Variants in CSGALNACT1 observed in about 807,000 individuals in gnomAD.
CSGALNACT1 encodes the protein beta4GalNAcT-1.
CSGALNACT1 carries 52 observed loss-of-function variants against 51.0 expected under a neutral mutation model. The ratio of observed to expected loss-of-function variants is 1.02; its 90% CI spans 0.82 to 1.29. The LOEUF (loss-of-function observed/expected upper bound fraction) is 1.29. Among genes scored for constraint, CSGALNACT1 ranks in the 50% most tolerant of loss-of-function variants. CSGALNACT1 has a pLI of 0.00. For synonymous variants in CSGALNACT1, 341 were observed against 254.4 expected, an observed-to-expected ratio of 1.34 and a Z score of -3.24; for missense variants, 935 against 679.2, an observed-to-expected ratio of 1.38 and a Z score of -4.19.
intron 3 of CSGALNACT1, among the ~76,000 whole-genome samples, chr8:19,558,347 A>C (rs554017052): frequency 2.8e-4 from 43 of 152,316 alleles, no homozygotes; most frequent in African/African-American, 9.6e-4. Context: ...CCTCCAAAGT[A>C]GGAACCCTCT....
chr8:19,480,575 C>T (rs564679554), intron 4 of CSGALNACT1, among the ~76,000 whole-genome samples: 1 of 152,280 alleles, frequency 6.6e-6, no homozygotes, highest in African/African-American at 2.4e-5. Context: ...CTGCAATGAA[C>T]ATATGGGTGC....
intron 1 of CSGALNACT1, among the ~76,000 whole-genome samples, chr8:19,656,771 A>G (rs2058316535): frequency 6.6e-6 from 1 of 152,248 alleles, no homozygotes; most frequent in African/African-American, 2.4e-5. Context: ...GAACTTTTAG[A>G]AATCAAACCA....
intron 5 of CSGALNACT1, among the ~76,000 whole-genome samples, chr8:19,455,536 TCTG>T (rs2063922321): frequency 6.6e-6 from 1 of 152,254 alleles, no homozygotes; most frequent in African/African-American, 2.4e-5. Context: ...CACATTTTTT[TCTG>T]CTATGTTTGG....
intron 3 of CSGALNACT1, among the ~76,000 whole-genome samples, chr8:19,513,050 C>G (rs1289102181): frequency 1.3e-5 from 2 of 152,164 alleles, no homozygotes; most frequent in African/African-American, 2.4e-5. Flanking sequence ...AAAACCATCC[C>G]TAGCCCTTCC....
At chr8:19,414,324 T>C (rs1253700097) in intron 8 of CSGALNACT1, among the ~76,000 whole-genome samples, 1 of 150,940 alleles carries the variant, frequency 6.6e-6, no homozygotes. Flanking sequence ...AGGCTTAAGA[T>C]AGAAGTGGTA....
At chr8:19,659,098 T>C (rs1172753729) in intron 1 of CSGALNACT1, among the ~76,000 whole-genome samples, 2 of 148,438 alleles carry the variant, frequency 1.3e-5, no homozygotes, top group African/African-American at 2.4e-5. Flanking sequence ...GTCTTTACCA[T>C]GTACATTTTC....
chr8:19,590,298 T>C (rs1435470690), intron 3 of CSGALNACT1, among the ~76,000 whole-genome samples: 1 of 152,246 alleles, frequency 6.6e-6, no homozygotes, highest in East Asian at 1.9e-4. Context: ...CACTTTGAGA[T>C]ATTTTAACTT....
At chr8:19,514,203 G>C (rs1163893598) in intron 3 of CSGALNACT1, among the ~76,000 whole-genome samples, 1 of 151,968 alleles carries the variant, frequency 6.6e-6, no homozygotes, top group African/African-American at 2.4e-5. Context: ...CCACTGGGGA[G>C]TCAACAATTA....
At chr8:19,429,553 A>C (rs538020636) in intron 6 of CSGALNACT1, among the ~76,000 whole-genome samples, 27 of 152,240 alleles carry the variant, frequency 1.8e-4, no homozygotes, top group African/African-American at 6.0e-4. Flanking sequence ...AGCATACATT[A>C]GTACTTCATT....
rs539939906 is a variant in CSGALNACT1, at chr8:19,437,799, A to G, written c.953+2031T>C. ...CAACCTGGTCTCTAGCATGAAGTGA[A>G]TTGGGTAGATTGATGACTAGATGTT... On this transcript the variant is annotated intron_variant, in intron 6 of 9. Coordinates refer to ENST00000454498, the Ensembl canonical transcript of CSGALNACT1. Among the ~76,000 whole-genome samples, 5 of 152,278 alleles carry G rather than the reference A, an allele frequency of 3.3e-5. No homozygotes were observed. The South Asian group carries it at 8.3e-4, about 25-fold the overall frequency.
At chr8:19,727,327 A>ATTTGGTTTGGTTTGG (rs61695239) in intron 1 of CSGALNACT1, among the ~76,000 whole-genome samples, 43 of 150,980 alleles carry the variant, frequency 2.8e-4, no homozygotes, top group African/African-American at 1.0e-3. Context: ...GTTTTGTTTG[A>ATTTGGTTTGGTTTGG]TTTGGTTTGG....
intron 1 of CSGALNACT1, among the ~76,000 whole-genome samples, chr8:19,643,575 T>G (rs1024666037): frequency 3.3e-5 from 5 of 151,588 alleles, no homozygotes; most frequent in Admixed American, 3.3e-4. Context: ...GACACAGAGG[T>G]TGCAGTAAGC....
At chr8:19,617,518 A>G (rs2053201269) in intron 1 of CSGALNACT1, among the ~76,000 whole-genome samples, 2 of 152,208 alleles carry the variant, frequency 1.3e-5, no homozygotes, top group South Asian at 2.1e-4. Flanking sequence ...TATTACTTTC[A>G]TAAGCAGAGT....
chr8:19,464,170 T>C (rs1038516733), intron 4 of CSGALNACT1, among the ~76,000 whole-genome samples: 1 of 152,168 alleles, frequency 6.6e-6, no homozygotes, highest in African/African-American at 2.4e-5. Context: ...CCCACATTCA[T>C]TCTCAGTCTC....
At chr8:19,448,821 C>A (rs1050376987) in intron 5 of CSGALNACT1, among the ~76,000 whole-genome samples, 1 of 152,112 alleles carries the variant, frequency 6.6e-6, no homozygotes, top group Non-Finnish European at 1.5e-5. Flanking sequence ...GTGTCCCATG[C>A]AAATGAAATG....
At chr8:19,444,069 G>A (rs1445068115) in intron 5 of CSGALNACT1, among the ~76,000 whole-genome samples, 1 of 152,160 alleles carries the variant, frequency 6.6e-6, no homozygotes, top group African/African-American at 2.4e-5. Flanking sequence ...AGGTGGTAAT[G>A]CTCACTTACC....
chr8:19,548,653 C>A (rs1243652088), intron 3 of CSGALNACT1, among the ~76,000 whole-genome samples: 1 of 152,122 alleles, frequency 6.6e-6, no homozygotes, highest in Non-Finnish European at 1.5e-5. Context: ...TTTTATCAAG[C>A]ACATGATTTT....
At chr8:19,547,510 GT>G (rs2086754758) in intron 3 of CSGALNACT1, among the ~76,000 whole-genome samples, 1 of 152,126 alleles carries the variant, frequency 6.6e-6, no homozygotes, top group African/African-American at 2.4e-5. Flanking sequence ...TTTGTAAGGG[GT>G]TTCCCCCTTC....
intron 8 of CSGALNACT1, among the ~76,000 whole-genome samples, chr8:19,409,552 C>T (rs1357873396): frequency 6.6e-6 from 1 of 152,068 alleles, no homozygotes; most frequent in South Asian, 2.1e-4. Flanking sequence ...TACACAAACA[C>T]GTATTCAGCT....
Sources: allele counts gnomAD v4.1 joint callset (sites outside exome capture counted in the v4.1 genomes callset), GRCh38; gene constraint gnomAD v4.1.1; transcripts MANE v1.5; gene names NCBI Gene and HGNC (gene_info 2026-07-23, HGNC 2026-07-21).